CSMD3: variants seen among roughly 807,000 people sequenced by gnomAD.
The protein encoded by CSMD3 is CUB and sushi domain-containing protein 3.
In CSMD3, 177 loss-of-function variants were observed where a neutral mutation model predicts 435.2. The observed-to-expected ratio is 0.41, with a 90% CI of 0.36 to 0.46. The LOEUF is 0.46. CSMD3 is among the 20% of genes least tolerant of loss of function. The pLI is 0.34. For missense variants in CSMD3, 4,265 were observed against 4,504.6 expected, an observed-to-expected ratio of 0.95 and a Z score of 1.52; for synonymous variants, 1,656 against 1,520.5, an observed-to-expected ratio of 1.09 and a Z score of -2.07.
intron 69 of CSMD3, 79 bp from the exon 70 acceptor site, chr8:112,228,970 C>A (rs1262279796): frequency 1.2e-6 from 1 of 806,788 alleles, no homozygotes; most frequent in South Asian, 1.6e-5. Context: ...CAATTAATTT[C>A]TTCTATTCTC....
intron 32 of CSMD3, among the ~76,000 whole-genome samples, chr8:112,437,937 G>C (rs1431020001): frequency 6.6e-6 from 1 of 151,900 alleles, no homozygotes; most frequent in East Asian, 1.9e-4. Flanking sequence ...ATATTACCTA[G>C]CACTTGAGGA....
chr8:112,672,019 T>C (rs67838088), intron 16 of CSMD3, among the ~76,000 whole-genome samples: 50,855 of 151,814 alleles, frequency 0.33, 9,455 homozygotes, highest in African/African-American at 0.5. Flanking sequence ...CTATGTGATA[T>C]TATATCTGCC....
chr8:112,682,296 C>A, intron 16 of CSMD3, 146 bp downstream of exon 16: 3 of 691,160 alleles, frequency 4.3e-6, no homozygotes, highest in South Asian at 1.8e-5. Flanking sequence ...GTGTAATTTC[C>A]TTAACAAGAT....
chr8:112,974,796 G>A (rs1044060390), intron 7 of CSMD3, among the ~76,000 whole-genome samples: 3 of 151,720 alleles, frequency 2.0e-5, no homozygotes, highest in Non-Finnish European at 3.0e-5. Flanking sequence ...ATGTAAAGAT[G>A]TCTTGATTTC....
At chr8:112,558,205 C>A (rs1828296957) in intron 24 of CSMD3, among the ~76,000 whole-genome samples, 1 of 151,762 alleles carries the variant, frequency 6.6e-6, no homozygotes, top group South Asian at 2.1e-4. Flanking sequence ...AGCCAGAATT[C>A]TTCTTCCCCA....
At chr8:113,157,427 A>G (rs1019690837) in intron 4 of CSMD3, among the ~76,000 whole-genome samples, 6 of 133,286 alleles carry the variant, frequency 4.5e-5, no homozygotes, top group South Asian at 2.2e-4. Context: ...GCAAAATCTC[A>G]TAACAGTCTC....
intron 32 of CSMD3, 72 bp downstream of exon 32, chr8:112,472,519 T>C: frequency 1.2e-6 from 1 of 837,904 alleles, no homozygotes; most frequent in Non-Finnish European, 2.1e-6. Flanking sequence ...ATTTAAAATT[T>C]TTGAATAGCA....
chr8:112,997,606 G>T (rs1463965573), intron 6 of CSMD3, among the ~76,000 whole-genome samples: 1 of 151,482 alleles, frequency 6.6e-6, no homozygotes, highest in Non-Finnish European at 1.5e-5. Context: ...TATTATATCT[G>T]ACTTTTTTCT....
chr8:112,452,347 A>G (rs1816378397), intron 32 of CSMD3, among the ~76,000 whole-genome samples: 2 of 152,206 alleles, frequency 1.3e-5, no homozygotes, highest in Non-Finnish European at 2.9e-5. Context: ...AGGATCCCTA[A>G]TTGAATAATA....
intron 7 of CSMD3, among the ~76,000 whole-genome samples, chr8:112,961,199 G>C (rs2084215426): frequency 6.6e-6 from 1 of 151,666 alleles, no homozygotes; most frequent in African/African-American, 2.4e-5. Context: ...TCTGATTTGT[G>C]ATGCAATATA....
chr8:112,849,041 T>C (rs561780741), intron 11 of CSMD3, among the ~76,000 whole-genome samples: 83 of 152,222 alleles, frequency 5.5e-4, no homozygotes, highest in African/African-American at 2.0e-3. Context: ...TCTAGTGTTA[T>C]GCAACATTTT....
intron 23 of CSMD3, among the ~76,000 whole-genome samples, chr8:112,583,117 A>G (rs1830454639): frequency 6.6e-6 from 1 of 152,082 alleles, no homozygotes; most frequent in Non-Finnish European, 1.5e-5. Flanking sequence ...GTAATTTACA[A>G]AGGTGAGAAA....
intron 37 of CSMD3, among the ~76,000 whole-genome samples, chr8:112,382,066 G>C (rs1248636573): frequency 6.6e-6 from 1 of 152,012 alleles, no homozygotes; most frequent in East Asian, 1.9e-4. Flanking sequence ...ATCTCTTGAG[G>C]CCATGAGTTG....
At chr8:113,105,673 G>A (rs1337539869) in intron 4 of CSMD3, among the ~76,000 whole-genome samples, 1 of 152,044 alleles carries the variant, frequency 6.6e-6, no homozygotes, top group Non-Finnish European at 1.5e-5. Context: ...TCTCAAAAGG[G>A]GTGCACTTCA....
intron 1 of CSMD3, among the ~76,000 whole-genome samples, chr8:113,348,358 T>C (rs2094165998): frequency 6.6e-6 from 1 of 152,152 alleles, no homozygotes; most frequent in African/African-American, 2.4e-5. Context: ...CATACAGCTT[T>C]ATACATGGTA....
chr8:112,418,546 C>T (rs534212432), intron 32 of CSMD3, among the ~76,000 whole-genome samples: 21 of 152,032 alleles, frequency 1.4e-4, no homozygotes, highest in Middle Eastern at 3.4e-3. Context: ...ATTTTAAAGG[C>T]TTTATCATTT....
chr8:112,562,010 C>T (rs1828671156), intron 24 of CSMD3, among the ~76,000 whole-genome samples: 1 of 151,516 alleles, frequency 6.6e-6, no homozygotes, highest in Non-Finnish European at 1.5e-5. Flanking sequence ...TTTTTTACTG[C>T]TATGAAAATG....
chr8:112,598,126 C>T (rs1263358514), intron 22 of CSMD3, among the ~76,000 whole-genome samples: 1 of 146,062 alleles, frequency 6.8e-6, no homozygotes. Flanking sequence ...ACCCCATTGT[C>T]TCAGCCCAAA....
rs139575811 is a variant in CSMD3, at chr8:112,634,285, G to C, written c.3715+2532C>G. On this transcript the variant is annotated intron_variant, in intron 22 of 70. Transcript: ENST00000297405. Reference sequence around the variant, plus strand: ...AGAAATATACACATACGTGTGTTTAGAATCAGAAATTCAAGAAGGAACAAA... The same window carrying C: ...AGAAATATACACATACGTGTGTTTACAATCAGAAATTCAAGAAGGAACAAA... Among the ~76,000 whole-genome samples, 22 of 151,884 alleles carry C rather than the reference G, an allele frequency of 1.4e-4. No individual in the cohort carries two copies. The East Asian group carries it at 4.1e-3, about 28-fold the overall frequency.
Sources: allele counts gnomAD v4.1 joint callset (sites outside exome capture counted in the v4.1 genomes callset), GRCh38; gene constraint gnomAD v4.1.1; transcripts MANE v1.5; gene names NCBI Gene and HGNC (gene_info 2026-07-23, HGNC 2026-07-21).